Variants in CDC123 observed in about 807,000 individuals in gnomAD.
The protein encoded by CDC123 is translation initiation factor eIF2 assembly protein.
In CDC123, 37 loss-of-function variants were observed where a neutral mutation model predicts 54.4. The ratio of observed to expected loss-of-function variants is 0.68; its 90% CI spans 0.52 to 0.89. The LOEUF (loss-of-function observed/expected upper bound fraction) is 0.89. CDC123 is among the 40% of genes least tolerant of loss of function. The pLI is 0.00. For synonymous variants in CDC123, 144 were observed against 136.8 expected, an observed-to-expected ratio of 1.05 and a Z score of -0.37; for missense variants, 361 against 412.1, an observed-to-expected ratio of 0.88 and a Z score of 1.07.
chr10:12,198,499 C>T (rs897038927), intron 1 of CDC123, among the ~76,000 whole-genome samples: 42 of 152,294 alleles, frequency 2.8e-4, no homozygotes, highest in African/African-American at 9.4e-4. Flanking sequence ...TTTTTGTTTA[C>T]TACAAAGACC....
At chr10:12,202,525 T>G (rs1835453040) in intron 2 of CDC123, among the ~76,000 whole-genome samples, 1 of 151,934 alleles carries the variant, frequency 6.6e-6, no homozygotes, top group African/African-American at 2.4e-5. Flanking sequence ...TGGAGGAGCA[T>G]CAGATCCCAC....
rs755857590 is a variant in CDC123, at chr10:12,215,829, C to T, written c.327C>T (p.Ala109=). The T allele has an allele frequency of 6.2e-7, 1 of 1,602,116 alleles. No homozygotes were observed. Among genetic ancestry groups the T allele is most frequent in the South Asian group, 1.1e-5 (1 of 89,694 alleles). The change falls in exon 5 of 13, where the codon GCC becomes GCT. Residue 109 remains alanine (A), a synonymous_variant. Coordinates refer to ENST00000281141, the MANE Select transcript of CDC123 (RefSeq NM_006023.3). ...GSVFPKLNWS[A]PRDAYWIAMN... ...TCTTTCCTAAGCTTAATTGGAGTGC[C>T]CCAAGGGTAGGAACACATAAGTAAT... is the stretch of plus-strand genomic sequence containing the variant.
chr10:12,199,182 TG>T (rs1472577614), intron 2 of CDC123, among the ~76,000 whole-genome samples: 3 of 152,230 alleles, frequency 2.0e-5, no homozygotes, highest in Non-Finnish European at 4.4e-5. Context: ...TGAACTACCG[TG>T]GCCCCCCCTC....
chr10:12,248,161 A>T (rs1310242676), intron 11 of CDC123, among the ~76,000 whole-genome samples: 3 of 152,222 alleles, frequency 2.0e-5, no homozygotes, highest in Non-Finnish European at 4.4e-5. Flanking sequence ...ATACTCAATT[A>T]CATGTCCTGA....
At chr10:12,242,663 C>T (rs917265954) in intron 10 of CDC123, among the ~76,000 whole-genome samples, 1 of 152,102 alleles carries the variant, frequency 6.6e-6, no homozygotes, top group African/African-American at 2.4e-5. Context: ...ATGTTATGGC[C>T]GGGCGTGGTG....
At chr10:12,204,516 A>T (rs908195132) in intron 2 of CDC123, among the ~76,000 whole-genome samples, 3 of 152,170 alleles carry the variant, frequency 2.0e-5, no homozygotes, top group Non-Finnish European at 4.4e-5. Flanking sequence ...CATAGTGTAC[A>T]TATTTATGGG....
chr10:12,218,564 G>A (rs1370371084), intron 6 of CDC123, among the ~76,000 whole-genome samples: 1 of 152,098 alleles, frequency 6.6e-6, no homozygotes, highest in African/African-American at 2.4e-5. Flanking sequence ...TTAGTGGGCT[G>A]CTTTTGCACT....
At chr10:12,206,754 CG>C (rs1272665225) in intron 2 of CDC123, among the ~76,000 whole-genome samples, 12 of 151,996 alleles carry the variant, frequency 7.9e-5, no homozygotes, top group Non-Finnish European at 1.2e-4. Context: ...GTCAGGAGAT[CG>C]AGACCATCCT....
chr10:12,203,010 G>A (rs772415416), intron 2 of CDC123, among the ~76,000 whole-genome samples: 4 of 152,314 alleles, frequency 2.6e-5, no homozygotes, highest in Non-Finnish European at 5.9e-5. Flanking sequence ...GCGAGACTCC[G>A]TCTCAAAAAA....
chr10:12,241,957 G>A (rs1048424869), intron 10 of CDC123, among the ~76,000 whole-genome samples: 1 of 104,526 alleles, frequency 9.6e-6, no homozygotes, highest in Non-Finnish European at 2.2e-5. Flanking sequence ...GCTTAGTTCT[G>A]TTCTTCGGGT....
At chr10:12,202,879 G>A (rs2131731358) in intron 2 of CDC123, among the ~76,000 whole-genome samples, 1 of 152,276 alleles carries the variant, frequency 6.6e-6, no homozygotes, top group Middle Eastern at 3.4e-3. Flanking sequence ...GCCAGACGTG[G>A]TGGCGCACTC....
chr10:12,201,955 G>C (rs1290579647), intron 2 of CDC123, among the ~76,000 whole-genome samples: 4 of 152,182 alleles, frequency 2.6e-5, no homozygotes, highest in Non-Finnish European at 5.9e-5. Flanking sequence ...ATTCCTCTCA[G>C]ATTACTAATA....
chr10:12,212,988 G>T (rs543024566), intron 4 of CDC123, among the ~76,000 whole-genome samples: 2 of 152,152 alleles, frequency 1.3e-5, no homozygotes, highest in Non-Finnish European at 2.9e-5. Flanking sequence ...ATACATAAGT[G>T]ATTAAATAAG....
intron 6 of CDC123, among the ~76,000 whole-genome samples, chr10:12,221,961 T>A (rs1835743350): frequency 6.6e-6 from 1 of 152,102 alleles, no homozygotes; most frequent in African/African-American, 2.4e-5. Context: ...TCCAGAGAGT[T>A]AGATGAAACA....
chr10:12,225,470 C>T (rs1010825692), intron 6 of CDC123, among the ~76,000 whole-genome samples: 3 of 152,136 alleles, frequency 2.0e-5, no homozygotes, highest in South Asian at 4.1e-4. Context: ...ATTGGAATCT[C>T]TGGGGAAGTA....
intron 10 of CDC123, among the ~76,000 whole-genome samples, chr10:12,241,449 T>C (rs765703898): frequency 6.6e-6 from 1 of 152,178 alleles, no homozygotes; most frequent in African/African-American, 2.4e-5. Context: ...CATTTCAATA[T>C]TGGATGTTTG....
At chr10:12,217,864 G>T (rs1313015785) in intron 6 of CDC123, among the ~76,000 whole-genome samples, 3 of 152,118 alleles carry the variant, frequency 2.0e-5, no homozygotes, top group African/African-American at 7.2e-5. Flanking sequence ...AAGACAGGTG[G>T]ATCACCTGAG....
chr10:12,233,539 G>C (rs1017038837), intron 7 of CDC123, among the ~76,000 whole-genome samples: 8 of 152,144 alleles, frequency 5.3e-5, no homozygotes, highest in Admixed American at 2.0e-4. Context: ...CCAATAAATT[G>C]TGTGCTACAA....
At chr10:12,233,936 G>A (rs957313999) in intron 7 of CDC123, among the ~76,000 whole-genome samples, 3 of 151,948 alleles carry the variant, frequency 2.0e-5, no homozygotes, top group Middle Eastern at 3.4e-3. Flanking sequence ...TAGGCCAAGG[G>A]TAGAATTGAT....
Sources: gnomAD v4.1 joint callset for allele counts (sites outside exome capture counted in the v4.1 genomes callset) on GRCh38, gnomAD v4.1.1 for gene constraint, MANE v1.5 for transcripts, NCBI Gene and HGNC (gene_info 2026-07-23, HGNC 2026-07-21) for gene names.